RNF150: variants seen among roughly 807,000 people sequenced by gnomAD.
RNF150 encodes ring finger protein 150.
A neutral mutation model predicts 39.3 loss-of-function variants in RNF150; 24 were observed. The observed-to-expected ratio is 0.61, with a 90% CI of 0.44 to 0.86. The LOEUF (loss-of-function observed/expected upper bound fraction) is 0.86, where lower values mean the gene tolerates loss of function less well. RNF150 is among the 40% of genes least tolerant of loss of function. The pLI is 0.00. For synonymous variants in RNF150, 255 were observed against 227.3 expected (o/e 1.12, Z -1.10); for missense variants, 502 against 587.8 (o/e 0.85, Z 1.51).
Position 140,978,972 on chromosome 4 carries a change from T to C in RNF150, c.485-11099A>G, listed in dbSNP as rs140715296. 2.0e-3 allele frequency among the ~76,000 whole-genome samples: 305 copies of C among 152,252 alleles called. 1 individual carries two copies. The highest frequency in any genetic ancestry group is 7.1e-3 in the African/African-American group (294 of 41,568). On this transcript the variant is annotated intron_variant, in intron 1 of 6. Transcript: ENST00000515673. ...CTTTCTGCTTATATATAAAATATAT[T>C]AAATTCTAATTTTTGCTGGACAAAA... is the stretch of plus-strand genomic sequence containing the variant.
intron 1 of RNF150, among the ~76,000 whole-genome samples, chr4:141,067,513 C>T (rs1737507644): frequency 6.6e-6 from 1 of 152,078 alleles, no homozygotes; most frequent in African/African-American, 2.4e-5. Context: ...ATGAAAGAAC[C>T]AGAGAGTTCT....
At chr4:140,884,574 A>G (rs1393040725) in intron 6 of RNF150, among the ~76,000 whole-genome samples, 1 of 152,138 alleles carries the variant, frequency 6.6e-6, no homozygotes, top group Non-Finnish European at 1.5e-5. Flanking sequence ...AAGCTTCCCC[A>G]GTGTCTGCAT....
At chr4:141,168,534 G>T (rs186483247) in intron 1 of RNF150, among the ~76,000 whole-genome samples, 5 of 152,088 alleles carry the variant, frequency 3.3e-5, no homozygotes, top group Non-Finnish European at 7.4e-5. Flanking sequence ...GCAAAGACTC[G>T]GAACCAACCC....
chr4:140,982,366 T>C (rs759535438), intron 1 of RNF150, among the ~76,000 whole-genome samples: 7 of 152,136 alleles, frequency 4.6e-5, no homozygotes. Flanking sequence ...GGTAATTGCA[T>C]ATATGGCATC....
chr4:140,917,292 C>T (rs1383486660), intron 5 of RNF150, among the ~76,000 whole-genome samples: 1 of 152,134 alleles, frequency 6.6e-6, no homozygotes, highest in Non-Finnish European at 1.5e-5. Flanking sequence ...ATTCAGGAAA[C>T]CCATTTCATG....
chr4:140,892,700 C>G (rs551797979), intron 6 of RNF150, among the ~76,000 whole-genome samples: 1 of 136,290 alleles, frequency 7.3e-6, no homozygotes, highest in African/African-American at 3.8e-5. Context: ...GGGATGTCGG[C>G]GACTTCTTGG....
At chr4:140,983,729 G>T (rs75488776) in intron 1 of RNF150, among the ~76,000 whole-genome samples, 3 of 146,774 alleles carry the variant, frequency 2.0e-5, no homozygotes, top group Non-Finnish European at 4.5e-5. Context: ...TTTGTATGTT[G>T]TATAACTGCC....
At chr4:141,176,675 G>A (rs558562216) in intron 1 of RNF150, among the ~76,000 whole-genome samples, 1 of 152,166 alleles carries the variant, frequency 6.6e-6, no homozygotes, top group African/African-American at 2.4e-5. Flanking sequence ...TTGATGCCTT[G>A]TGCTCTCAAA....
chr4:140,991,567 A>C (rs1033529183), intron 1 of RNF150, among the ~76,000 whole-genome samples: 2 of 152,102 alleles, frequency 1.3e-5, no homozygotes, highest in Non-Finnish European at 2.9e-5. Context: ...GAGCCTCAGA[A>C]CCATGCCAAC....
chr4:141,020,901 GT>G (rs1355586740), intron 1 of RNF150, among the ~76,000 whole-genome samples: 6 of 152,178 alleles, frequency 3.9e-5, no homozygotes, highest in Non-Finnish European at 7.3e-5. Context: ...GTTAGGCTGT[GT>G]GAAGGAGAAC....
chr4:141,135,360 G>T (rs1261440491), upstream of RNF150, among the ~76,000 whole-genome samples: 1 of 152,218 alleles, frequency 6.6e-6, no homozygotes, highest in African/African-American at 2.4e-5. Context: ...CAAGCTGGCT[G>T]ATTATAGGGC....
upstream of RNF150, among the ~76,000 whole-genome samples, chr4:141,135,187 G>C (rs1364782461): frequency 6.6e-6 from 1 of 152,282 alleles, no homozygotes. Flanking sequence ...CTTTAGGGTG[G>C]ATTAACAATG....
intron 3 of RNF150, 109 bp downstream of exon 3, chr4:140,949,192 A>G: frequency 2.7e-6 from 2 of 732,210 alleles, no homozygotes; most frequent in Non-Finnish European, 4.6e-6. Context: ...GACAACTGTT[A>G]GCATATATTT....
chr4:141,160,614 A>T (rs1304207972), intron 1 of RNF150, among the ~76,000 whole-genome samples: 1 of 152,138 alleles, frequency 6.6e-6, no homozygotes, highest in East Asian at 1.9e-4. Context: ...GGCCTGGTGG[A>T]AGATGATTGG....
At chr4:140,911,482 AT>A (rs1730604272) in intron 5 of RNF150, 128 bp from the exon 6 acceptor site, 1 of 689,200 alleles carries the variant, frequency 1.5e-6, no homozygotes, top group African/African-American at 1.8e-5. Flanking sequence ...GAGCCACTTT[AT>A]TTAAAAACAT....
intron 1 of RNF150, among the ~76,000 whole-genome samples, chr4:141,017,709 T>C (rs181015601): frequency 2.3e-3 from 345 of 152,342 alleles, no homozygotes; most frequent in African/African-American, 7.9e-3. Flanking sequence ...TCTCCATAGT[T>C]TGCCTTTTCT....
At chr4:141,000,091 AGAAGAAGAAGAAGAAGAG>A in intron 1 of RNF150, among the ~76,000 whole-genome samples, 3 of 116,890 alleles carry the variant, frequency 2.6e-5, no homozygotes, top group Non-Finnish European at 3.8e-5. Flanking sequence ...AAGAAGGAGA[AGAAGAAGAAGAAGAAGAG>A]GAGGAAGAAG....
chr4:140,980,338 C>A (rs965658175), intron 1 of RNF150, among the ~76,000 whole-genome samples: 1 of 152,000 alleles, frequency 6.6e-6, no homozygotes, highest in Non-Finnish European at 1.5e-5. Flanking sequence ...CCACCATGCC[C>A]GATCCCCTTT....
intron 1 of RNF150, among the ~76,000 whole-genome samples, chr4:141,085,365 G>GA (rs1738323313): frequency 6.6e-6 from 1 of 152,104 alleles, no homozygotes; most frequent in African/African-American, 2.4e-5. Context: ...TTTGGGTGGG[G>GA]ACACAACCAA....
Sources: gnomAD v4.1 joint callset for allele counts (sites outside exome capture counted in the v4.1 genomes callset) on GRCh38, gnomAD v4.1.1 for gene constraint, MANE v1.5 for transcripts, NCBI Gene and HGNC (gene_info 2026-07-23, HGNC 2026-07-21) for gene names.